The following C3orf20 variants were observed in gnomAD, a reference collection of about 807,000 sequenced individuals.
C3orf20 encodes family with sequence similarity 149 member C.
In C3orf20, 76 loss-of-function variants were observed where a neutral mutation model predicts 88.3. The ratio of observed to expected loss-of-function variants is 0.86; its 90% CI spans 0.72 to 1.04. The LOEUF (loss-of-function observed/expected upper bound fraction) is 1.04. C3orf20 is among the 50% of genes least tolerant of loss of function. The probability of loss-of-function intolerance (pLI) is 0.00; values close to 1 mark genes in which losing one functional copy is unlikely to be tolerated. For missense variants in C3orf20, 1,056 were observed against 1,123.3 expected (o/e 0.94, Z 0.86); for synonymous variants, 436 against 437.4 (o/e 1.00, Z 0.04).
At chr3:14,718,837 T>G (rs2034036171) in intron 9 of C3orf20, among the ~76,000 whole-genome samples, 1 of 152,226 alleles carries the variant, frequency 6.6e-6, no homozygotes, top group African/African-American at 2.4e-5. Flanking sequence ...CAAGGATGGT[T>G]CAAGGATCAG....
chr3:14,769,096 G>A (rs962784665), intron 15 of C3orf20, among the ~76,000 whole-genome samples: 6 of 152,072 alleles, frequency 3.9e-5, no homozygotes, highest in African/African-American at 1.5e-4. Context: ...CACAGGAGGT[G>A]CCAAGGCGCT....
At chr3:14,727,459 C>T (rs1224077770) in intron 11 of C3orf20, among the ~76,000 whole-genome samples, 1 of 152,158 alleles carries the variant, frequency 6.6e-6, no homozygotes, top group Non-Finnish European at 1.5e-5. Context: ...ATGCAATCAC[C>T]TCTCTAGGCT....
At chr3:14,738,104 A>G (rs2034776610) in intron 12 of C3orf20, among the ~76,000 whole-genome samples, 1 of 150,354 alleles carries the variant, frequency 6.7e-6, no homozygotes, top group Non-Finnish European at 1.5e-5. Flanking sequence ...GTTGGAGTCA[A>G]TTTCTTCCAA....
At chr3:14,734,833 TTTTA>T (rs2034654997) in intron 12 of C3orf20, among the ~76,000 whole-genome samples, 1 of 152,098 alleles carries the variant, frequency 6.6e-6, no homozygotes, top group South Asian at 2.1e-4. Flanking sequence ...CTATTTCTCC[TTTTA>T]TTTCTGTAAA....
At chr3:14,723,000 A>G (rs971059300) in intron 10 of C3orf20, among the ~76,000 whole-genome samples, 1 of 152,258 alleles carries the variant, frequency 6.6e-6, no homozygotes, top group Non-Finnish European at 1.5e-5. Flanking sequence ...CACTCTGCCC[A>G]CTAAGGGAAG....
At chr3:14,678,459 C>T (rs576248306) in intron 1 of C3orf20, among the ~76,000 whole-genome samples, 1 of 152,324 alleles carries the variant, frequency 6.6e-6, no homozygotes, top group East Asian at 1.9e-4. Flanking sequence ...CTGTAGCCTT[C>T]TGTGTGTGTG....
At chr3:14,761,851 G>C (rs888033479) in intron 15 of C3orf20, among the ~76,000 whole-genome samples, 1 of 152,102 alleles carries the variant, frequency 6.6e-6, no homozygotes, top group Non-Finnish European at 1.5e-5. Flanking sequence ...AGTGGGAGGG[G>C]GTGTGTGAGC....
chr3:14,715,179 C>T (rs1035501800), intron 8 of C3orf20, 110 bp from the exon 9 acceptor site: 4 of 1,375,956 alleles, frequency 2.9e-6, no homozygotes, highest in Non-Finnish European at 3.9e-6. Context: ...GACTCCACCA[C>T]TCCTCCAGCC....
At chr3:14,743,669 A>T (rs965371096) in intron 12 of C3orf20, among the ~76,000 whole-genome samples, 1 of 152,072 alleles carries the variant, frequency 6.6e-6, no homozygotes, top group Non-Finnish European at 1.5e-5. Context: ...TTGCCTGAGC[A>T]TCCAGGCGTT....
intron 15 of C3orf20, among the ~76,000 whole-genome samples, chr3:14,769,100 AGGC>A (rs1033876840): frequency 2.6e-5 from 4 of 152,074 alleles, no homozygotes; most frequent in Non-Finnish European, 4.4e-5. Flanking sequence ...GGAGGTGCCA[AGGC>A]GCTGAGACCA....
At chr3:14,693,008 C>G (rs891350284) in intron 5 of C3orf20, among the ~76,000 whole-genome samples, 4 of 152,068 alleles carry the variant, frequency 2.6e-5, no homozygotes, top group Non-Finnish European at 4.4e-5. Flanking sequence ...TTCTTGGCAC[C>G]TTTGTCATAA....
rs142164093 is a variant in C3orf20, at chr3:14,719,102, C to G, written c.1435-2551C>G. Among the ~76,000 whole-genome samples, 51 of 150,456 alleles carry G rather than the reference C, an allele frequency of 3.4e-4. 1 individual carries two copies. The highest frequency in any genetic ancestry group is 3.2e-3 in the South Asian group (15 of 4,716). ...TTCAAAGTCTGCCTGCATTTGTTCACTCTTCATAGCCTTTGGGTCATTGTT... is the reference window on the plus strand; with the variant it reads ...TTCAAAGTCTGCCTGCATTTGTTCAGTCTTCATAGCCTTTGGGTCATTGTT... On this transcript the variant is annotated intron_variant, in intron 9 of 16. Coordinates refer to ENST00000253697, the MANE Select transcript of C3orf20 (RefSeq NM_032137.5).
intron 12 of C3orf20, among the ~76,000 whole-genome samples, chr3:14,736,015 G>T (rs1472610530): frequency 6.6e-6 from 1 of 151,978 alleles, no homozygotes; most frequent in Non-Finnish European, 1.5e-5. Flanking sequence ...GTCTATTTTG[G>T]TAAGTTGGCT....
In C3orf20 at chr3:14,708,147, A is replaced by G. The variant is rs115064800; in HGVS notation, c.1160+3529A>G. Reference sequence around the variant, plus strand: ...CCCTGTGTTTTCTTCTAAGAGGTTTATACTTATAGGTCTTGCGGTCTTTGA... The same window carrying G: ...CCCTGTGTTTTCTTCTAAGAGGTTTGTACTTATAGGTCTTGCGGTCTTTGA... On this transcript the variant is annotated intron_variant, in intron 7 of 16. Coordinates refer to ENST00000253697, the MANE Select transcript of C3orf20 (RefSeq NM_032137.5). Among the ~76,000 whole-genome samples, 140 of 152,228 alleles carry G rather than the reference A, an allele frequency of 9.2e-4. 1 individual carries two copies. The highest frequency in any genetic ancestry group is 3.2e-3 in the African/African-American group (132 of 41,532).
chr3:14,748,252 G>T (rs904709505), intron 12 of C3orf20, among the ~76,000 whole-genome samples: 1 of 151,842 alleles, frequency 6.6e-6, no homozygotes, highest in Non-Finnish European at 1.5e-5. Context: ...TGATTTGTTG[G>T]CATACAATTG....
In C3orf20 at chr3:14,724,121, A is replaced by G. The variant is rs1045486442; in HGVS notation, c.1566+2337A>G. Among the ~76,000 whole-genome samples the G allele has an allele frequency of 2.8e-4, 42 of 152,052 alleles. 1 individual carries two copies. Among genetic ancestry groups the G allele is most frequent in the Non-Finnish European group, 2.6e-4 (18 of 68,014 alleles). ...GGCGTGAGCCACCGTGCCTGGCCAG[A>G]AAAAGCTATTGTTAAGTGATTAAGT... On this transcript the variant is annotated intron_variant, in intron 10 of 16. Coordinates refer to ENST00000253697, the MANE Select transcript of C3orf20 (RefSeq NM_032137.5).
At chr3:14,748,323 A>AT (rs1402239831) in intron 12 of C3orf20, among the ~76,000 whole-genome samples, 1 of 152,008 alleles carries the variant, frequency 6.6e-6, no homozygotes, top group East Asian at 1.9e-4. Context: ...ACCCACTTTC[A>AT]TTTTTTATTT....
intron 4 of C3orf20, among the ~76,000 whole-genome samples, chr3:14,687,340 T>G (rs1453590844): frequency 6.6e-6 from 1 of 152,236 alleles, no homozygotes; most frequent in Non-Finnish European, 1.5e-5. Flanking sequence ...TTTGGCTTCC[T>G]TTTCTAAGAC....
chr3:14,716,227 A>G (rs377236463), intron 9 of C3orf20, among the ~76,000 whole-genome samples: 2 of 152,236 alleles, frequency 1.3e-5, no homozygotes, highest in Non-Finnish European at 2.9e-5. Context: ...CCAATCAGAG[A>G]TTGGAAGGAG....
Sources: gnomAD v4.1 joint callset for allele counts (sites outside exome capture counted in the v4.1 genomes callset) on GRCh38, gnomAD v4.1.1 for gene constraint, MANE v1.5 for transcripts, NCBI Gene and HGNC (gene_info 2026-07-23, HGNC 2026-07-21) for gene names.